The following WDR45B variants were observed in gnomAD, a reference collection of about 807,000 sequenced individuals.
WDR45B encodes WD repeat domain phosphoinositide-interacting protein 3.
A neutral mutation model predicts 44.6 loss-of-function variants in WDR45B; 20 were observed. The ratio of observed to expected loss-of-function variants is 0.45; its 90% CI spans 0.32 to 0.65. The LOEUF is 0.65. WDR45B is among the 30% of genes least tolerant of loss of function. The pLI, the probability that WDR45B is intolerant of heterozygous loss-of-function variation, is 0.05. For synonymous variants in WDR45B, 169 were observed against 164.9 expected, an observed-to-expected ratio of 1.02 and a Z score of -0.19; for missense variants, 323 against 430.2, an observed-to-expected ratio of 0.75 and a Z score of 2.20.
intron 2 of WDR45B, among the ~76,000 whole-genome samples, chr17:82,640,969 GTT>G (rs398031785): frequency 7.6e-6 from 1 of 131,852 alleles, no homozygotes; most frequent in African/African-American, 2.9e-5. Flanking sequence ...TCTTGTCTGG[GTT>G]TTTTTTTTTT....
At chr17:82,628,797 T>C (rs2143305927) in intron 3 of WDR45B, among the ~76,000 whole-genome samples, 1 of 152,110 alleles carries the variant, frequency 6.6e-6, no homozygotes, top group East Asian at 1.9e-4. Flanking sequence ...CTCAGGAGTT[T>C]GAGACCAGCG....
At chr17:82,637,172 A>G (rs1354218916) in intron 2 of WDR45B, among the ~76,000 whole-genome samples, 1 of 152,022 alleles carries the variant, frequency 6.6e-6, no homozygotes, top group East Asian at 1.9e-4. Flanking sequence ...TTATACCCAC[A>G]AAAAGAAGAA....
intron 2 of WDR45B, 99 bp downstream of exon 2, chr17:82,643,850 G>A (rs763768341): frequency 8.1e-5 from 99 of 1,217,352 alleles, no homozygotes; most frequent in African/African-American, 3.3e-4. Flanking sequence ...TTTACTTCTC[G>A]AAAACAGCCA....
chr17:82,629,895 C>G lies in WDR45B; in HGVS notation c.244+1026G>C, dbSNP rs532869890. Reference sequence around the variant, plus strand: ...CACTCACTTCCCATTTGGCATGCGGCGCCCCCAGAGCCCCATCCTGGTCTT... The same window carrying G: ...CACTCACTTCCCATTTGGCATGCGGGGCCCCCAGAGCCCCATCCTGGTCTT... On this transcript the variant is annotated intron_variant, in intron 3 of 9. Transcript: ENST00000392325. 6.0e-5 allele frequency: 59 copies of G among 985,332 alleles called. 1 individual carries two copies. The African/African-American group carries it at 9.8e-4, about 16-fold the overall frequency. 61.0% of individuals were successfully genotyped at this position (985,332 alleles called of 1,614,324 possible).
intron 3 of WDR45B, among the ~76,000 whole-genome samples, chr17:82,630,466 C>T (rs75032811): frequency 1.5e-4 from 23 of 152,254 alleles, no homozygotes; most frequent in African/African-American, 5.3e-4. Flanking sequence ...AGGGCCAGAG[C>T]TCTTACGCCA....
intron 3 of WDR45B, chr17:82,630,053 T>C (rs756572766): frequency 1.6e-5 from 15 of 923,368 alleles, no homozygotes; most frequent in African/African-American, 3.8e-5. Context: ...CAGAACCAGA[T>C]GGCTTTTCTC....
chr17:82,618,863 CTTAAAG>C (rs903853264), intron 7 of WDR45B, among the ~76,000 whole-genome samples, 174 bp downstream of exon 7: 24 of 152,324 alleles, frequency 1.6e-4, no homozygotes, highest in African/African-American at 4.6e-4. Flanking sequence ...ACGATAAAAA[CTTAAAG>C]TTAATCACAA....
intron 2 of WDR45B, among the ~76,000 whole-genome samples, chr17:82,631,779 T>C (rs1324976997): frequency 6.6e-6 from 1 of 151,626 alleles, no homozygotes; most frequent in Non-Finnish European, 1.5e-5. Context: ...ATACTTGAAT[T>C]CACATTTCAA....
intron 2 of WDR45B, among the ~76,000 whole-genome samples, chr17:82,642,517 C>T (rs1323821123): frequency 6.6e-6 from 1 of 152,208 alleles, no homozygotes; most frequent in Admixed American, 6.5e-5. Flanking sequence ...GCCGCTCCAG[C>T]ACATTAATTG....
intron 6 of WDR45B, among the ~76,000 whole-genome samples, chr17:82,619,920 C>A (rs2045590987): frequency 6.6e-6 from 1 of 152,156 alleles, no homozygotes; most frequent in Non-Finnish European, 1.5e-5. Context: ...ACCTGGCTAA[C>A]CCGGAGGGCA....
intron 3 of WDR45B, among the ~76,000 whole-genome samples, chr17:82,630,417 G>A (rs1245676073): frequency 1.3e-5 from 2 of 151,890 alleles, no homozygotes; most frequent in South Asian, 4.2e-4. Flanking sequence ...CGAGGCACAC[G>A]GCTGTCAGGA....
intron 3 of WDR45B, among the ~76,000 whole-genome samples, chr17:82,628,311 C>A (rs929703007): frequency 3.9e-5 from 6 of 152,290 alleles, no homozygotes; most frequent in Middle Eastern, 3.4e-3. Context: ...TTTTTAAGTT[C>A]AAAATTTCTT....
intron 2 of WDR45B, among the ~76,000 whole-genome samples, chr17:82,631,476 G>A (rs2045766737): frequency 6.7e-6 from 1 of 148,248 alleles, no homozygotes; most frequent in Non-Finnish European, 1.5e-5. Context: ...GTAGAGATGG[G>A]GTTTCACTAT....
At chr17:82,626,751 A>G (rs2291391) in intron 4 of WDR45B, 192,006 of 235,238 alleles carry the variant, frequency 0.82, 78,979 homozygotes, top group African/African-American at 0.92. Flanking sequence ...CGCCCCTGAG[A>G]CCATGGCTGA....
Position 82,627,787 on chromosome 17 carries a change from C to G in WDR45B, c.245-496G>C, listed in dbSNP as rs552417039. Reference sequence around the variant, plus strand: ...CTCTCTCTGCCAACCCTTGCCCTTGCCTGGTTACGTTCCTCTCCCTGACCT... The same window carrying G: ...CTCTCTCTGCCAACCCTTGCCCTTGGCTGGTTACGTTCCTCTCCCTGACCT... On this transcript the variant is annotated intron_variant, in intron 3 of 9. Coordinates refer to ENST00000392325, the MANE Select transcript of WDR45B (RefSeq NM_019613.4). Among the ~76,000 whole-genome samples, 9 of 152,404 alleles carry G rather than the reference C, an allele frequency of 5.9e-5. No individual in the cohort carries two copies. In the South Asian group the frequency reaches 1.9e-3, roughly 32 times the overall value.
chr17:82,644,828 G>A (rs570705415), intron 1 of WDR45B, among the ~76,000 whole-genome samples: 15 of 152,210 alleles, frequency 9.9e-5, no homozygotes, highest in African/African-American at 2.9e-4. Context: ...TCCAATGACT[G>A]CACAAGTGGT....
At chr17:82,631,609 A>G (rs1011205339) in intron 2 of WDR45B, among the ~76,000 whole-genome samples, 1 of 40,020 alleles carries the variant, frequency 2.5e-5, no homozygotes, top group Non-Finnish European at 4.5e-5. Context: ...TTAATCAGCA[A>G]TTTATATCTA....
At position 82,615,753 on chromosome 17, in the gene WDR45B, T is replaced by C. The variant is rs2045523877; in HGVS notation, c.*166A>G. 6.0e-6 allele frequency: 4 copies of C among 671,056 alleles called. No individual in the cohort carries two copies. Among genetic ancestry groups the C allele is most frequent in the Non-Finnish European group, 1.1e-5 (4 of 376,014 alleles). The allele number at this position is 671,056 out of a possible 1,614,324, so 41.6% of individuals were successfully genotyped here. ...TTGATGATGATTCTCTCTTTAATAC[T>C]GGAAATGGGAGTCCTTAGGAAAGCA... On this transcript the variant is annotated 3_prime_UTR_variant, in exon 10 of 10. Coordinates refer to ENST00000392325, the MANE Select transcript of WDR45B (RefSeq NM_019613.4).
At chr17:82,624,895 G>C (rs918977884) in intron 5 of WDR45B, among the ~76,000 whole-genome samples, 2 of 152,168 alleles carry the variant, frequency 1.3e-5, no homozygotes, top group Non-Finnish European at 2.9e-5. Context: ...TGGGATTACA[G>C]GAGTGAGCCA....
Sources: gnomAD v4.1 joint callset for allele counts (sites outside exome capture counted in the v4.1 genomes callset) on GRCh38, gnomAD v4.1.1 for gene constraint, MANE v1.5 for transcripts, NCBI Gene and HGNC (gene_info 2026-07-23, HGNC 2026-07-21) for gene names.